ARHGAP25: variants seen among roughly 807,000 people sequenced by gnomAD.
ARHGAP25 encodes the protein rho GTPase-activating protein 25.
In ARHGAP25, 34 loss-of-function variants were observed where a neutral mutation model predicts 71.0. That is an observed-to-expected ratio of 0.48 (90% CI 0.36 to 0.64). The LOEUF (loss-of-function observed/expected upper bound fraction) is 0.64, where lower values mean the gene tolerates loss of function less well. Ranked by LOEUF, ARHGAP25 falls within the 30% of genes least tolerant of loss-of-function variation. The probability of loss-of-function intolerance (pLI) is 0.00; values close to 1 mark genes in which losing one functional copy is unlikely to be tolerated. For missense variants in ARHGAP25, 706 were observed against 805.1 expected (o/e 0.88, Z 1.49); for synonymous variants, 282 against 296.5 (o/e 0.95, Z 0.50).
chr2:68,801,450 A>T (rs1286064628), intron 4 of ARHGAP25, among the ~76,000 whole-genome samples: 1 of 152,220 alleles, frequency 6.6e-6, no homozygotes, highest in Non-Finnish European at 1.5e-5. Flanking sequence ...GTGTCCCAAG[A>T]AGAAGGAGGT....
chr2:68,822,220 A>T, intron 9 of ARHGAP25, 120 bp from the exon 10 acceptor site: 2 of 965,820 alleles, frequency 2.1e-6, no homozygotes, highest in Non-Finnish European at 3.1e-6. Flanking sequence ...GTGATACATT[A>T]AGAATTTCAT....
chr2:68,780,977 C>T lies in ARHGAP25; in HGVS notation c.262-1256C>T, dbSNP rs763632232. On this transcript the variant is annotated intron_variant, in intron 2 of 10. Coordinates refer to ENST00000409202, the MANE Select transcript of ARHGAP25 (RefSeq NM_001007231.3). ...AATAACTAGATCCAGTGCGCACTAA[C>T]GATGTTACTTTGTGCAGTCACTTAG... 2.0e-5 allele frequency among the ~76,000 whole-genome samples: 3 copies of T among 152,332 alleles called. No individual in the cohort carries two copies. The South Asian group carries it at 6.2e-4, about 32-fold the overall frequency.
chr2:68,721,859 G>T (rs1025768392), intron 2 of ARHGAP25, among the ~76,000 whole-genome samples: 3 of 152,176 alleles, frequency 2.0e-5, no homozygotes, highest in African/African-American at 7.2e-5. Context: ...TCTAGGTGTC[G>T]AGATTATAAC....
At chr2:68,754,147 G>T (rs912203131) in intron 1 of ARHGAP25, among the ~76,000 whole-genome samples, 2 of 151,968 alleles carry the variant, frequency 1.3e-5, no homozygotes, top group Non-Finnish European at 2.9e-5. Context: ...ATTTTGAACT[G>T]CAATCAGGTG....
At position 68,734,946 on chromosome 2, in the gene ARHGAP25, C is replaced by T; in HGVS notation, c.-254C>T. The T allele has an allele frequency of 3.5e-6, 2 of 565,816 alleles. No homozygotes were observed. The highest frequency in any genetic ancestry group is 3.0e-5 in the East Asian group (1 of 33,898). 35.0% of individuals were successfully genotyped at this position (565,816 alleles called of 1,614,324 possible). A position where few individuals can be genotyped will look rare whatever the true frequency, so the allele number is the denominator to read the frequency against. ...AAAGCAAGAAAAGCAGGGTGCTAGCCCCTGTGGGACTGAGGGTGGAGGCTG... is the reference window on the plus strand; with the variant it reads ...AAAGCAAGAAAAGCAGGGTGCTAGCTCCTGTGGGACTGAGGGTGGAGGCTG... On this transcript the variant is annotated 5_prime_UTR_variant, in exon 1 of 11. Transcript: ENST00000409202.
Position 68,817,988 on chromosome 2 carries a change from A to C in ARHGAP25, c.997A>C (p.Met333Leu). ...GAAGGTCGAAGACCCTGCCGTGATC[A>C]TGAGAGGTATGGCTGGTCCCGTAGT... Reference protein sequence around the residue: ...RSKVEDPAVIMRGTPQIQRVM... With the variant: ...RSKVEDPAVILRGTPQIQRVM... The change falls in exon 8 of 11, where the codon ATG becomes CTG. Residue 333 changes from methionine (M) to leucine (L), a missense_variant. Coordinates refer to ENST00000409202, the MANE Select transcript of ARHGAP25 (RefSeq NM_001007231.3). 3 of 1,614,090 alleles carry C rather than the reference A, an allele frequency of 1.9e-6. No individual in the cohort carries two copies. The highest frequency in any genetic ancestry group is 2.5e-6 in the Non-Finnish European group (3 of 1,179,984).
In ARHGAP25 at chr2:68,822,469, C is replaced by T. The variant is rs1317413158; in HGVS notation, c.1330C>T (p.Leu444Phe). The change falls in exon 10 of 11, where the codon CTC (leucine) becomes TTC (phenylalanine). Residue 444 changes from leucine (L) to phenylalanine (F), a missense_variant. Leu to Phe is a conservative substitution (Grantham distance 22). Coordinates refer to ENST00000409202, the MANE Select transcript of ARHGAP25 (RefSeq NM_001007231.3). Reference protein sequence around the residue: ...KMQSRKRTQTLPNRKCFLTSA... With the variant: ...KMQSRKRTQTFPNRKCFLTSA... ...GCAATCTCGTAAAAGGACTCAAACACTCCCTAACCGGAAATGTTTCTTGAC... is the reference window on the plus strand; with the variant it reads ...GCAATCTCGTAAAAGGACTCAAACATTCCCTAACCGGAAATGTTTCTTGAC... The T allele has an allele frequency of 6.2e-7, 1 of 1,614,112 alleles. No individual in the cohort carries two copies. Among genetic ancestry groups the T allele is most frequent in the African/African-American group, 1.3e-5 (1 of 74,930 alleles).
intron 4 of ARHGAP25, among the ~76,000 whole-genome samples, chr2:68,792,883 T>C (rs1321179577): frequency 6.6e-6 from 1 of 152,224 alleles, no homozygotes; most frequent in Non-Finnish European, 1.5e-5. Context: ...CTAATTTGCA[T>C]TCCCACCAAC....
intron 1 of ARHGAP25, among the ~76,000 whole-genome samples, chr2:68,761,283 T>C (rs981643878): frequency 6.6e-6 from 1 of 152,010 alleles, no homozygotes; most frequent in Non-Finnish European, 1.5e-5. Flanking sequence ...ACTGTAAAAC[T>C]CTTAGAAGAA....
intron 1 of ARHGAP25, among the ~76,000 whole-genome samples, chr2:68,747,923 A>C (rs1675932822): frequency 6.6e-6 from 1 of 152,236 alleles, no homozygotes; most frequent in African/African-American, 2.4e-5. Flanking sequence ...AGTCTAGGAA[A>C]TAGTTAGCTG....
At chr2:68,764,069 G>A (rs112852948) in intron 1 of ARHGAP25, among the ~76,000 whole-genome samples, 31 of 152,166 alleles carry the variant, frequency 2.0e-4, no homozygotes, top group African/African-American at 7.5e-4. Context: ...GGCAACCACT[G>A]TCTCTACAGA....
intron 2 of ARHGAP25, among the ~76,000 whole-genome samples, chr2:68,728,135 G>A (rs1674926709): frequency 6.6e-6 from 1 of 152,222 alleles, no homozygotes. Flanking sequence ...GGAAATGCAG[G>A]TTCAGTGGGA....
intron 2 of ARHGAP25, among the ~76,000 whole-genome samples, chr2:68,721,850 C>T (rs1181539523): frequency 6.6e-6 from 1 of 152,222 alleles, no homozygotes; most frequent in Non-Finnish European, 1.5e-5. Context: ...TTGCTCTTCT[C>T]TAGGTGTCGA....
At chr2:68,739,156 A>G (rs1486539755) in intron 1 of ARHGAP25, among the ~76,000 whole-genome samples, 2 of 152,220 alleles carry the variant, frequency 1.3e-5, no homozygotes, top group African/African-American at 4.8e-5. Context: ...ACCTGGTTTT[A>G]TATCCACTCA....
At chr2:68,788,031 A>G (rs2104402719) in intron 4 of ARHGAP25, 75 bp downstream of exon 4, 3 of 1,164,526 alleles carry the variant, frequency 2.6e-6, no homozygotes, top group Non-Finnish European at 3.9e-6. Context: ...CCAATGTGAT[A>G]GCTCCTTGAG....
intron 4 of ARHGAP25, 130 bp downstream of exon 4, chr2:68,788,086 A>G (rs1678883764): frequency 2.8e-6 from 2 of 715,328 alleles, no homozygotes; most frequent in East Asian, 2.7e-5. Flanking sequence ...CTGCATGCCC[A>G]TGGCCAAGTG....
chr2:68,772,647 A>T (rs957657258), intron 1 of ARHGAP25, among the ~76,000 whole-genome samples: 1 of 152,228 alleles, frequency 6.6e-6, no homozygotes, highest in Admixed American at 6.5e-5. Context: ...ACTTAGAGAG[A>T]TACAGAACTG....
chr2:68,753,431 A>C (rs996970026), intron 1 of ARHGAP25, among the ~76,000 whole-genome samples: 1 of 152,210 alleles, frequency 6.6e-6, no homozygotes, highest in Non-Finnish European at 1.5e-5. Context: ...TTATGGAAGG[A>C]AACACTCCTG....
chr2:68,807,098 A>G (rs1680429238), intron 4 of ARHGAP25, 175 bp from the exon 5 acceptor site: 1 of 625,082 alleles, frequency 1.6e-6, no homozygotes, highest in Admixed American at 2.9e-5. Flanking sequence ...ACTGCCTCAA[A>G]TTTACAGGCC....
Sources: allele counts gnomAD v4.1 joint callset (sites outside exome capture counted in the v4.1 genomes callset), GRCh38; gene constraint gnomAD v4.1.1; transcripts MANE v1.5; gene names NCBI Gene and HGNC (gene_info 2026-07-23, HGNC 2026-07-21).